JAK2: variants seen among roughly 807,000 people sequenced by gnomAD.
The protein encoded by JAK2 is Janus kinase 2.
A neutral mutation model predicts 139.3 loss-of-function variants in JAK2; 86 were observed. That is an observed-to-expected ratio of 0.62 (90% CI 0.52 to 0.74). The LOEUF (loss-of-function observed/expected upper bound fraction) is 0.74. JAK2 is among the 30% of genes least tolerant of loss of function. The probability of loss-of-function intolerance (pLI) is 0.00; values close to 1 mark genes in which losing one functional copy is unlikely to be tolerated. For missense variants in JAK2, 1,421 were observed against 1,360.3 expected, an observed-to-expected ratio of 1.04 and a Z score of -0.70; for synonymous variants, 490 against 437.7, an observed-to-expected ratio of 1.12 and a Z score of -1.49.
chr9:5,061,204 A>C (rs1334739298), intron 8 of JAK2, among the ~76,000 whole-genome samples: 2 of 152,206 alleles, frequency 1.3e-5, no homozygotes, highest in African/African-American at 4.8e-5. Context: ...ATGGTAAATG[A>C]GCGCTGGTTT....
At chr9:5,066,571 A>G (rs973380122) in intron 9 of JAK2, 107 bp from the exon 10 acceptor site, 5 of 668,224 alleles carry the variant, frequency 7.5e-6, no homozygotes, top group Admixed American at 4.8e-5. Flanking sequence ...AGTAGAGGAG[A>G]CAATTCTGAC....
At chr9:5,034,223 G>A (rs554241557) in intron 4 of JAK2, among the ~76,000 whole-genome samples, 1 of 152,234 alleles carries the variant, frequency 6.6e-6, no homozygotes, top group South Asian at 2.1e-4. Flanking sequence ...CAATACAGGA[G>A]CACCCAGATT....
At chr9:5,100,211 G>A (rs1821359345) in intron 22 of JAK2, 1 of 152,140 alleles carries the variant, frequency 6.6e-6, no homozygotes, top group African/African-American at 2.4e-5. Flanking sequence ...CTACTAGTAA[G>A]CCTTTATCTA....
At chr9:5,018,997 G>T (rs1822244098) in intron 2 of JAK2, among the ~76,000 whole-genome samples, 1 of 152,004 alleles carries the variant, frequency 6.6e-6, no homozygotes, top group Admixed American at 6.5e-5. Context: ...CTTTGTCTTT[G>T]ACAAACTGTT....
intron 8 of JAK2, among the ~76,000 whole-genome samples, chr9:5,063,962 C>T (rs1042236359): frequency 1.3e-5 from 2 of 152,202 alleles, no homozygotes; most frequent in Admixed American, 1.3e-4. Flanking sequence ...TTGAGACCAG[C>T]CTGGCCAACA....
At chr9:5,102,778 C>T (rs1821612316) in intron 22 of JAK2, among the ~76,000 whole-genome samples, 1 of 152,146 alleles carries the variant, frequency 6.6e-6, no homozygotes, top group African/African-American at 2.4e-5. Context: ...CCCAGAATTT[C>T]ATATCCAGCC....
At chr9:5,076,050 G>A (rs1819287334) in intron 14 of JAK2, among the ~76,000 whole-genome samples, 1 of 152,156 alleles carries the variant, frequency 6.6e-6, no homozygotes, top group African/African-American at 2.4e-5. Context: ...ACTAAGAAGT[G>A]GAGCTTGAAG....
intron 2 of JAK2, among the ~76,000 whole-genome samples, chr9:4,989,010 T>G (rs1820108940): frequency 6.6e-6 from 1 of 152,216 alleles, no homozygotes; most frequent in African/African-American, 2.4e-5. Context: ...TTTGAACTTC[T>G]GAGAATTCAG....
At chr9:5,050,876 T>C in intron 6 of JAK2, 45 bp downstream of exon 6, 1 of 1,485,394 alleles carries the variant, frequency 6.7e-7, no homozygotes, top group Non-Finnish European at 9.3e-7. Flanking sequence ...TGAGTAGAGA[T>C]TTTATATAAT....
At chr9:5,041,376 G>A in intron 4 of JAK2, 1 of 625,080 alleles carries the variant, frequency 1.6e-6, no homozygotes, top group South Asian at 1.7e-5. Flanking sequence ...ATGCACCTGG[G>A]CAAGGAGCAG....
intron 3 of JAK2, among the ~76,000 whole-genome samples, chr9:5,025,170 G>C (rs934555070): frequency 2.6e-5 from 4 of 151,986 alleles, no homozygotes; most frequent in African/African-American, 7.3e-5. Context: ...GAGAAGGATA[G>C]GTCCTTGGAA....
chr9:5,066,642 G>T (rs1818592247), intron 9 of JAK2, 36 bp from the exon 10 acceptor site: 2 of 1,105,828 alleles, frequency 1.8e-6, no homozygotes, highest in South Asian at 2.5e-5. Flanking sequence ...TATGGTGCTT[G>T]ATATATTATT....
chr9:4,990,261 G>A (rs978730073), intron 2 of JAK2, among the ~76,000 whole-genome samples: 5 of 152,182 alleles, frequency 3.3e-5, no homozygotes, highest in African/African-American at 1.2e-4. Context: ...TATATGTTTT[G>A]TATATTAGGA....
In JAK2 at chr9:5,070,069, T is replaced by A. The variant is rs1818853596; in HGVS notation, c.1641+17T>A. 3 of 1,568,556 alleles carry A rather than the reference T, an allele frequency of 1.9e-6. No homozygotes were observed. The highest frequency in any genetic ancestry group is 1.7e-6 in the Non-Finnish European group (2 of 1,149,588). On this transcript the variant is annotated intron_variant, in intron 12 of 24. Coordinates refer to ENST00000381652, the MANE Select transcript of JAK2 (RefSeq NM_004972.4). ...TTGATATTTGTAAGTCATTAGATAC[T>A]CATTACTGTCTTTTTTGTCCTTTTA... is the stretch of plus-strand genomic sequence containing the variant.
Position 5,041,204 on chromosome 9 carries a change from G to A in JAK2, c.351-3199G>A, listed in dbSNP as rs573523776. The A allele has an allele frequency of 6.2e-6, 9 of 1,457,522 alleles. No homozygotes were observed. In the South Asian group the frequency reaches 9.2e-5, roughly 15 times the overall value. 90.3% of individuals were successfully genotyped at this position (1,457,522 alleles called of 1,614,324 possible). A position where few individuals can be genotyped will look rare whatever the true frequency, so the allele number is the denominator to read the frequency against. ...CCTCATTTACCAGGACGTGAAGCCC[G>A]AGAACTTCCTGGTGGGGCGCCCGGG... On this transcript the variant is annotated intron_variant, in intron 4 of 24. Coordinates refer to ENST00000381652, the MANE Select transcript of JAK2 (RefSeq NM_004972.4).
intron 19 of JAK2, among the ~76,000 whole-genome samples, chr9:5,087,828 A>T (rs140550056): frequency 2.6e-3 from 393 of 152,002 alleles, no homozygotes; most frequent in African/African-American, 9.2e-3. Flanking sequence ...GTACACAAAT[A>T]TTTATTTATA....
At chr9:5,110,810 C>T in intron 22 of JAK2, 2 of 427,988 alleles carry the variant, frequency 4.7e-6, no homozygotes, top group Non-Finnish European at 9.0e-6. Flanking sequence ...GCCTGGGGGC[C>T]CTGCTGCATC....
At chr9:5,037,896 C>T (rs1373527069) in intron 4 of JAK2, among the ~76,000 whole-genome samples, 1 of 151,962 alleles carries the variant, frequency 6.6e-6, no homozygotes, top group Non-Finnish European at 1.5e-5. Context: ...ATAGTTTCAA[C>T]AAATCAAATA....
intron 22 of JAK2, chr9:5,114,104 C>T: frequency 2.8e-6 from 1 of 358,136 alleles, no homozygotes; most frequent in Non-Finnish European, 5.6e-6. Flanking sequence ...TGCCCGACCA[C>T]ACCTACACCT....
Sources: gnomAD v4.1 joint callset for allele counts (sites outside exome capture counted in the v4.1 genomes callset) on GRCh38, gnomAD v4.1.1 for gene constraint, MANE v1.5 for transcripts, NCBI Gene and HGNC (gene_info 2026-07-23, HGNC 2026-07-21) for gene names.